The following BICRAL variants were observed in gnomAD, a reference collection of about 807,000 sequenced individuals.
The protein encoded by BICRAL is BRD4-interacting chromatin-remodeling complex-associated protein-like.
Under a neutral mutation model 91.8 loss-of-function variants are expected in BICRAL, and 8 were observed. That is an observed-to-expected ratio of 0.09 (90% CI 0.05 to 0.16). BICRAL has a LOEUF of 0.16. Among genes scored for constraint, BICRAL ranks in the 10% least tolerant of loss-of-function variants. The pLI is 1.00. For missense variants in BICRAL, 1,038 were observed against 1,310.9 expected (o/e 0.79, Z 3.21); for synonymous variants, 445 against 491.1 (o/e 0.91, Z 1.24).
intron 1 of BICRAL, among the ~76,000 whole-genome samples, chr6:42,774,835 T>A (rs2113849144): frequency 6.6e-6 from 1 of 152,264 alleles, no homozygotes; most frequent in Admixed American, 6.5e-5. Flanking sequence ...CCGTAGTTTT[T>A]TTTTTTCTTT....
intron 2 of BICRAL, among the ~76,000 whole-genome samples, chr6:42,812,771 C>G (rs985695355): frequency 6.6e-6 from 1 of 152,128 alleles, no homozygotes; most frequent in Admixed American, 6.6e-5. Context: ...GTGGCTCACA[C>G]CTGTAATCCC....
chr6:42,835,647 T>C (rs1352855532), intron 6 of BICRAL, among the ~76,000 whole-genome samples: 1 of 152,160 alleles, frequency 6.6e-6, no homozygotes, highest in Non-Finnish European at 1.5e-5. Context: ...CAAAAGTTAC[T>C]TGGGGCTGGT....
chr6:42,802,429 TTGTTGTTGTTG>T (rs1207284332), intron 1 of BICRAL, among the ~76,000 whole-genome samples: 2 of 62,002 alleles, frequency 3.2e-5, no homozygotes, highest in African/African-American at 1.6e-4. Flanking sequence ...GTGTTTTTTT[TTGTTGTTGTTG>T]TTGTTGTTGT....
chr6:42,747,809 T>TA (rs201035727), intron 1 of BICRAL, among the ~76,000 whole-genome samples: 11 of 145,126 alleles, frequency 7.6e-5, no homozygotes, highest in African/African-American at 2.4e-4. Context: ...TATTTTGTTT[T>TA]TTTTTTTTTT....
chr6:42,809,780 A>G (rs917388868), intron 1 of BICRAL, among the ~76,000 whole-genome samples: 1 of 150,442 alleles, frequency 6.6e-6, no homozygotes, highest in Admixed American at 6.7e-5. Flanking sequence ...GGGAATTTTT[A>G]TTTATTTATT....
chr6:42,761,036 ACT>A (rs1762539022), intron 1 of BICRAL, among the ~76,000 whole-genome samples: 1 of 151,836 alleles, frequency 6.6e-6, no homozygotes, highest in African/African-American at 2.4e-5. Context: ...ATAGAGTGAG[ACT>A]CTGTCTCAAA....
At position 42,844,508 on chromosome 6, in the gene BICRAL, CAAAAAAAAAAAAAAAAAAAAAA is replaced by C. The variant is rs34115804; in HGVS notation, c.1840-7568_1840-7547del. Among the ~76,000 whole-genome samples the C allele has an allele frequency of 5.4e-4, 17 of 31,460 alleles. 1 individual carries two copies. The highest frequency in any genetic ancestry group is 7.7e-4 in the African/African-American group (11 of 14,208). 20.6% of individuals were successfully genotyped at this position (31,460 alleles called of 152,430 possible). The stretch of plus-strand genomic sequence containing the variant: ...TGGGCTACAGAGCAAGACTCCATCT[CAAAAAAAAAAAAAAAAAAAAAA>C]AAAAAAAAAAAAAAAGAGGGTGTTG... On this transcript the variant is annotated intron_variant, in intron 6 of 12. Transcript: ENST00000314073.
chr6:42,775,801 C>T (rs966960390), intron 1 of BICRAL, among the ~76,000 whole-genome samples: 103 of 152,110 alleles, frequency 6.8e-4, no homozygotes, highest in African/African-American at 2.4e-3. Flanking sequence ...AGACAAATAG[C>T]TTTAGTCCTC....
At chr6:42,747,274 G>T (rs140055893) in intron 1 of BICRAL, among the ~76,000 whole-genome samples, 14 of 152,272 alleles carry the variant, frequency 9.2e-5, no homozygotes, top group Non-Finnish European at 1.6e-4. Flanking sequence ...CGGCAGCCTC[G>T]CATGCTTCGC....
intron 1 of BICRAL, among the ~76,000 whole-genome samples, chr6:42,796,155 C>G (rs1763408792): frequency 6.6e-6 from 1 of 152,180 alleles, no homozygotes; most frequent in African/African-American, 2.4e-5. Flanking sequence ...GCCCTGTTCT[C>G]TTGGGAAAGA....
Position 42,770,880 on chromosome 6 carries a change from G to GTT in BICRAL, c.-260-10959_-260-10958insTT, listed in dbSNP as rs779793117. ...TAATTTTTGTATTTTTAGTAGAGAC[G>GTT]GGGTTTCACCACGTTGGCCACGAAC... On this transcript the variant is annotated intron_variant, in intron 1 of 14. Coordinates refer to the BICRAL transcript ENST00000614467. 5.0e-3 allele frequency among the ~76,000 whole-genome samples: 756 copies of GTT among 151,650 alleles called. 5 individuals are homozygous for GTT. The highest frequency in any genetic ancestry group is 8.5e-3 in the Non-Finnish European group (577 of 67,940).
chr6:42,829,653 G>C lies in BICRAL; in HGVS notation c.1320G>C (p.Glu440Asp). ...TCATTTCTGGCCAAGTGGCCTCAGA[G>C]CATGTCATGTTGAACAGAAACTCTT... is the stretch of plus-strand genomic sequence containing the variant. Reference protein sequence around the residue: ...SQLISGQVASEHVMLNRNSSN... With the variant: ...SQLISGQVASDHVMLNRNSSN... Residue 440 changes from glutamate (E) to aspartate (D), a missense_variant, in exon 6 of 13, where the codon GAG becomes GAC. By Grantham distance (45) the Glu-to-Asp change is conservative (BLOSUM62 2). Around this residue, in one of 5 missense-constraint regions of BICRAL, gnomAD observed 532 missense variants for 724.9 expected, o/e 0.73. Coordinates refer to ENST00000314073, the MANE Select transcript of BICRAL (RefSeq NM_001393499.1). 1.2e-6 allele frequency: 2 copies of C among 1,614,210 alleles called. No homozygotes were observed. The highest frequency in any genetic ancestry group is 1.7e-6 in the Non-Finnish European group (2 of 1,180,040).
At chr6:42,824,468 C>T (rs1764231259) in intron 5 of BICRAL, among the ~76,000 whole-genome samples, 1 of 152,024 alleles carries the variant, frequency 6.6e-6, no homozygotes, top group Non-Finnish European at 1.5e-5. Context: ...CCTCAGCTTC[C>T]CTAGTAGCTG....
intron 10 of BICRAL, among the ~76,000 whole-genome samples, chr6:42,858,532 A>AG (rs1213905468): frequency 6.9e-5 from 10 of 144,140 alleles, no homozygotes; most frequent in African/African-American, 2.6e-4. Flanking sequence ...AAAAAAAAAA[A>AG]AAAGGCTGGG....
chr6:42,750,618 C>G lies in BICRAL; in HGVS notation c.-261+3595C>G, dbSNP rs1434715285. ...CAAGACGACGTCTTGCTCTGTCGCC[C>G]AGGCTGGAGTGCAATGGCGCGATCT... On this transcript the variant is annotated intron_variant, in intron 1 of 14. Transcript: ENST00000614467. Among the ~76,000 whole-genome samples, 3 of 152,162 alleles carry G rather than the reference C, an allele frequency of 2.0e-5. No individual in the cohort carries two copies. The East Asian group carries it at 5.8e-4, about 29-fold the overall frequency.
In BICRAL at chr6:42,846,248, A is replaced by G. The variant is rs192790917; in HGVS notation, c.1840-5844A>G. 2.0e-3 allele frequency among the ~76,000 whole-genome samples: 297 copies of G among 151,514 alleles called. 1 individual carries two copies. The highest frequency in any genetic ancestry group is 7.2e-3 in the Admixed American group (109 of 15,184). On this transcript the variant is annotated intron_variant, in intron 6 of 12. Coordinates refer to ENST00000314073, the MANE Select transcript of BICRAL (RefSeq NM_001393499.1). ...AAATTAGCCGGGCGTGGTGGCTGTA[A>G]TCCCAACTACTCAGGAGGCTGAGGC...
intron 1 of BICRAL, among the ~76,000 whole-genome samples, chr6:42,788,396 G>A (rs1054351552): frequency 2.0e-5 from 3 of 151,924 alleles, no homozygotes; most frequent in Non-Finnish European, 4.4e-5. Context: ...AGCTAATTTT[G>A]TATTTTTAGT....
intron 9 of BICRAL, 56 bp downstream of exon 9, chr6:42,855,973 C>A: frequency 1.5e-6 from 2 of 1,342,024 alleles, no homozygotes; most frequent in Non-Finnish European, 2.1e-6. Flanking sequence ...GGGTCCCTAG[C>A]CTTCAATAAA....
chr6:42,859,619 C>T (rs73430717), intron 10 of BICRAL, among the ~76,000 whole-genome samples: 2,339 of 152,014 alleles, frequency 0.015, 47 homozygotes, highest in African/African-American at 0.051. Flanking sequence ...TCTAAACTAG[C>T]AGATCATTCT....
Sources: gnomAD v4.1 joint callset for allele counts (sites outside exome capture counted in the v4.1 genomes callset) on GRCh38, gnomAD v4.1.1 for gene constraint, gnomAD v4.1.1 regional missense constraint, MANE v1.5 for transcripts, NCBI Gene and HGNC (gene_info 2026-07-23, HGNC 2026-07-21) for gene names.